Variants in DRC8 observed in about 807,000 individuals in gnomAD.
DRC8 encodes dynein regulatory complex subunit 8, also known as dynein regulatory complex protein 8.
the DRC8 span, among the ~76,000 whole-genome samples, chr1:245,015,018 T>G: frequency 3.9e-5 from 6 of 152,234 alleles, no homozygotes; most frequent in African/African-American, 9.6e-5. Context: ...TTTCTACTAT[T>G]GGGTGGTATT....
chr1:245,016,515 G>C, the DRC8 span, among the ~76,000 whole-genome samples: 1 of 152,010 alleles, frequency 6.6e-6, no homozygotes, highest in African/African-American at 2.4e-5. Flanking sequence ...TCCCTACCCT[G>C]TTTATTCCTT....
At chr1:244,982,871 T>C in the DRC8 span, among the ~76,000 whole-genome samples, 4 of 152,002 alleles carry the variant, frequency 2.6e-5, no homozygotes, top group East Asian at 7.7e-4. Flanking sequence ...GAGACCAGCC[T>C]GGCCAACATG....
the DRC8 span, among the ~76,000 whole-genome samples, chr1:244,994,738 C>A: frequency 6.6e-6 from 1 of 152,240 alleles, no homozygotes; most frequent in African/African-American, 2.4e-5. Context: ...CATTAAACTT[C>A]TTTTTAAACC....
the DRC8 span, among the ~76,000 whole-genome samples, chr1:244,995,349 A>G: frequency 6.6e-6 from 1 of 151,480 alleles, no homozygotes; most frequent in East Asian, 1.9e-4. Context: ...TGACAAGAGC[A>G]AGACTCCATC....
At chr1:245,018,289 G>T in the DRC8 span, among the ~76,000 whole-genome samples, 1 of 151,886 alleles carries the variant, frequency 6.6e-6, no homozygotes, top group Admixed American at 6.6e-5. Context: ...CTAAATGAGG[G>T]TTATTTGATG....
the DRC8 span, among the ~76,000 whole-genome samples, chr1:245,022,105 C>G: frequency 0.12 from 18,523 of 151,614 alleles, 1,513 homozygotes; most frequent in African/African-American, 0.22. Context: ...TTTTCAATAT[C>G]ACTAATTAGG....
chr1:245,105,081 C>T, the DRC8 span, among the ~76,000 whole-genome samples: 1 of 152,166 alleles, frequency 6.6e-6, no homozygotes. Context: ...TTCCCGTAGA[C>T]CAATTTTTAT....
At chr1:245,099,921 G>T in the DRC8 span, among the ~76,000 whole-genome samples, 1 of 152,090 alleles carries the variant, frequency 6.6e-6, no homozygotes, top group Non-Finnish European at 1.5e-5. Flanking sequence ...CCATCAACTC[G>T]AGGCCAATCC....
chr1:245,070,801 A>G, the DRC8 span, among the ~76,000 whole-genome samples: 1 of 152,224 alleles, frequency 6.6e-6, no homozygotes, highest in Non-Finnish European at 1.5e-5. Flanking sequence ...TTAAACCCCA[A>G]TGAGATAGTA....
At chr1:245,028,543 A>G in the DRC8 span, among the ~76,000 whole-genome samples, 1 of 152,052 alleles carries the variant, frequency 6.6e-6, no homozygotes, top group Non-Finnish European at 1.5e-5. Flanking sequence ...TTACGTTCTG[A>G]GAGTGGGATG....
the DRC8 span, among the ~76,000 whole-genome samples, chr1:244,990,481 C>T: frequency 2.0e-5 from 3 of 152,194 alleles, no homozygotes; most frequent in Non-Finnish European, 4.4e-5. Context: ...TGCACTTGAT[C>T]ATTCATTCCT....
At chr1:244,988,667 C>T in the DRC8 span, among the ~76,000 whole-genome samples, 1 of 152,150 alleles carries the variant, frequency 6.6e-6, no homozygotes, top group African/African-American at 2.4e-5. Context: ...CCTGTTTTCT[C>T]TCTTTCCATA....
At chr1:245,053,985 C>G in the DRC8 span, among the ~76,000 whole-genome samples, 1 of 151,964 alleles carries the variant, frequency 6.6e-6, no homozygotes, top group African/African-American at 2.4e-5. Flanking sequence ...AACCCACCCA[C>G]CCAGTGAACA....
At chr1:245,045,026 G>A in the DRC8 span, among the ~76,000 whole-genome samples, 3 of 152,038 alleles carry the variant, frequency 2.0e-5, no homozygotes, top group Admixed American at 2.0e-4. Context: ...TATTTATGTT[G>A]AGACAGAGTC....
chr1:245,054,091 T>C, the DRC8 span, among the ~76,000 whole-genome samples: 1 of 151,908 alleles, frequency 6.6e-6, no homozygotes, highest in Non-Finnish European at 1.5e-5. Context: ...AGAAAAAACA[T>C]CCTCTTTAAC....
the DRC8 span, among the ~76,000 whole-genome samples, chr1:245,111,764 A>G: frequency 9.1e-4 from 138 of 152,318 alleles, no homozygotes; most frequent in South Asian, 0.012. Context: ...GGTGGGACAT[A>G]GTAGCTCATG....
At chr1:245,092,294 C>T in the DRC8 span, among the ~76,000 whole-genome samples, 1 of 152,176 alleles carries the variant, frequency 6.6e-6, no homozygotes, top group African/African-American at 2.4e-5. Flanking sequence ...GTTGGGATTA[C>T]GACTGTTCGT....
the DRC8 span, among the ~76,000 whole-genome samples, chr1:245,000,522 C>T: frequency 2.0e-5 from 3 of 151,956 alleles, no homozygotes; most frequent in Admixed American, 6.6e-5. Flanking sequence ...TGGTTCAAGC[C>T]TGTAATCCCA....
chr1:245,060,125 T>G, the DRC8 span, among the ~76,000 whole-genome samples: 1 of 151,960 alleles, frequency 6.6e-6, no homozygotes, highest in Non-Finnish European at 1.5e-5. Context: ...TTTAGTGGAG[T>G]CTGGGGATGG....
Sources: gnomAD v4.1 joint callset for allele counts (sites outside exome capture counted in the v4.1 genomes callset) on GRCh38, gnomAD v4.1.1 for gene constraint, MANE v1.5 for transcripts, NCBI Gene and HGNC (gene_info 2026-07-23, HGNC 2026-07-21) for gene names.